CFAP44: variants seen among roughly 807,000 people sequenced by gnomAD.
CFAP44 encodes cilia- and flagella-associated protein 44.
Under a neutral mutation model 216.2 loss-of-function variants are expected in CFAP44, and 134 were observed. The observed-to-expected ratio is 0.62, with a 90% CI of 0.54 to 0.72. The LOEUF is 0.72. Among genes scored for constraint, CFAP44 ranks in the 30% least tolerant of loss-of-function variants. CFAP44 has a pLI of 0.00. For synonymous variants in CFAP44, 700 were observed against 727.6 expected (o/e 0.96, Z 0.61); for missense variants, 2,035 against 2,182.1 (o/e 0.93, Z 1.34).
intron 27 of CFAP44, among the ~76,000 whole-genome samples, chr3:113,326,874 C>T (rs929882728): frequency 8.5e-5 from 13 of 152,234 alleles, no homozygotes; most frequent in African/African-American, 3.1e-4. Flanking sequence ...TAGTGCTAAG[C>T]ATCCCCCCAA....
intron 1 of CFAP44, among the ~76,000 whole-genome samples, chr3:113,435,506 G>T (rs1359188416): frequency 2.6e-5 from 4 of 151,956 alleles, no homozygotes; most frequent in Non-Finnish European, 5.9e-5. Flanking sequence ...TGACACATGG[G>T]GATTATGGGA....
At chr3:113,316,868 CAA>C (rs71684264) in intron 28 of CFAP44, among the ~76,000 whole-genome samples, 54 of 116,302 alleles carry the variant, frequency 4.6e-4, no homozygotes, top group East Asian at 7.1e-4. Context: ...GACTCCATCT[CAA>C]AAAAAAAAAA....
intron 28 of CFAP44, among the ~76,000 whole-genome samples, chr3:113,322,688 A>T (rs1381787265): frequency 6.6e-6 from 1 of 152,220 alleles, no homozygotes; most frequent in Non-Finnish European, 1.5e-5. Flanking sequence ...TTCTCAAAGA[A>T]CTTAAAAATG....
At chr3:113,299,965 A>G (rs1286513410) in intron 32 of CFAP44, among the ~76,000 whole-genome samples, 1 of 152,226 alleles carries the variant, frequency 6.6e-6, no homozygotes, top group Non-Finnish European at 1.5e-5. Context: ...TGAGAGGTCA[A>G]GGCTGCAGTA....
intron 28 of CFAP44, among the ~76,000 whole-genome samples, chr3:113,313,340 C>G (rs1156419899): frequency 6.6e-6 from 1 of 152,078 alleles, no homozygotes; most frequent in Non-Finnish European, 1.5e-5. Flanking sequence ...TTACCCAATA[C>G]CTGTAGCCCC....
At chr3:113,318,105 A>T (rs1362229544) in intron 28 of CFAP44, among the ~76,000 whole-genome samples, 2 of 152,202 alleles carry the variant, frequency 1.3e-5, no homozygotes, top group Non-Finnish European at 2.9e-5. Flanking sequence ...CAGAATCTGG[A>T]TGTCAAGGAA....
intron 33 of CFAP44, among the ~76,000 whole-genome samples, chr3:113,295,525 G>C (rs1159090148): frequency 1.3e-5 from 2 of 152,200 alleles, no homozygotes; most frequent in African/African-American, 2.4e-5. Flanking sequence ...GTACATCTTG[G>C]ATTAGAAAAG....
intron 13 of CFAP44, among the ~76,000 whole-genome samples, chr3:113,399,193 CT>C (rs1482153481): frequency 6.6e-6 from 1 of 152,176 alleles, no homozygotes; most frequent in Non-Finnish European, 1.5e-5. Context: ...ATCAAGAAGC[CT>C]TTGGATTATT....
chr3:113,330,635 T>C lies in CFAP44; in HGVS notation c.3649A>G (p.Ile1217Val). 2.6e-6 allele frequency: 4 copies of C among 1,535,912 alleles called. No individual in the cohort carries two copies. The highest frequency in any genetic ancestry group is 2.6e-6 in the Non-Finnish European group (3 of 1,146,506). Residue 1217 changes from isoleucine (I) to valine (V), a missense_variant, in exon 26 of 35, where the codon ATT becomes GTT. Coordinates refer to ENST00000393845, the MANE Select transcript of CFAP44 (RefSeq NM_001164496.2). ...HGNKRHMNKC[I>V]LSLRDLKVAV... ...ACTTTAAGGTCTCTAAGAGAGAGAA[T>C]GCACTTGTTCATGTGCCTTTTATTT...
At position 113,306,203 on chromosome 3, in the gene CFAP44, T is replaced by C. The variant is rs1212599240; in HGVS notation, c.4756A>G (p.Lys1586Glu). ...LKKEYDTLSK[K>E]VKIVATNLNA... is the part of the protein sequence containing the mutation. ...AATAAGTAAACAGATCACCATACTT[T>C]TTTTGACAATGTATCATATTCCTTT... Residue 1586 changes from lysine to glutamate, a missense_variant and splice_region_variant, in exon 30 of 35, where the codon AAA becomes GAA. Physicochemically the swap from Lys to Glu is moderately conservative, Grantham distance 56. Around this residue, in one of 3 missense-constraint regions of CFAP44, gnomAD observed 1,883 missense variants for 2,023.7 expected, o/e 0.93. Transcript: ENST00000393845. 1 of 1,535,678 alleles carries C rather than the reference T, an allele frequency of 6.5e-7. No homozygotes were observed. The highest frequency in any genetic ancestry group is 2.0e-5 in the Admixed American group (1 of 50,638).
chr3:113,352,652 A>G (rs1386235715), intron 22 of CFAP44, among the ~76,000 whole-genome samples: 1 of 152,202 alleles, frequency 6.6e-6, no homozygotes, highest in African/African-American at 2.4e-5. Flanking sequence ...ATAGATAAAG[A>G]GGCTAAAATT....
chr3:113,408,864 A>C (rs914538025), intron 7 of CFAP44, among the ~76,000 whole-genome samples: 17 of 106,420 alleles, frequency 1.6e-4, no homozygotes, highest in African/African-American at 5.8e-4. Flanking sequence ...ACTCCATTTC[A>C]AAAAAAAAAA....
At chr3:113,294,956 T>C (rs1949866792) in intron 33 of CFAP44, 135 bp from the exon 34 acceptor site, 2 of 1,095,874 alleles carry the variant, frequency 1.8e-6, no homozygotes, top group Admixed American at 3.2e-5. Context: ...CAGAAGCCAA[T>C]ATGAAAATGC....
At chr3:113,366,457 C>A in intron 18 of CFAP44, 148 bp from the exon 19 acceptor site, 1 of 882,628 alleles carries the variant, frequency 1.1e-6, no homozygotes, top group Non-Finnish European at 1.7e-6. Context: ...AGCCCTAACC[C>A]CTAATACTTC....
intron 22 of CFAP44, among the ~76,000 whole-genome samples, chr3:113,350,300 A>C (rs1027208681): frequency 6.6e-6 from 1 of 151,940 alleles, no homozygotes; most frequent in African/African-American, 2.4e-5. Context: ...GAGAGGAAGA[A>C]AGAAAGAGAC....
At chr3:113,410,147 G>T (rs904696804) in intron 6 of CFAP44, among the ~76,000 whole-genome samples, 12 of 151,404 alleles carry the variant, frequency 7.9e-5, no homozygotes, top group African/African-American at 2.9e-4. Context: ...TAATAAACTT[G>T]TTTTCTTTTT....
chr3:113,343,649 G>C (rs533097168), intron 23 of CFAP44, among the ~76,000 whole-genome samples: 1 of 152,238 alleles, frequency 6.6e-6, no homozygotes, highest in African/African-American at 2.4e-5. Flanking sequence ...GCCTGGGTGA[G>C]GAAGTGTTAG....
intron 11 of CFAP44, 42 bp downstream of exon 11, chr3:113,401,198 A>G (rs199771759): frequency 6.6e-7 from 1 of 1,517,294 alleles, no homozygotes; most frequent in Non-Finnish European, 8.9e-7. Context: ...AAAAGTTTTT[A>G]CTATGAAAGT....
Position 113,396,736 on chromosome 3 carries a change from A to C in CFAP44, c.1570-9T>G. 1 of 1,612,630 alleles carries C rather than the reference A, an allele frequency of 6.2e-7. No homozygotes were observed. The highest frequency in any genetic ancestry group is 8.5e-7 in the Non-Finnish European group (1 of 1,179,188). ...GCTCCAGTGAAGTTTACCTTGGAGA[A>C]AATTAAAGATAAGGGACCTGAAACT... On this transcript the variant is annotated splice_polypyrimidine_tract_variant and intron_variant, in intron 13 of 34. Coordinates refer to ENST00000393845, the MANE Select transcript of CFAP44 (RefSeq NM_001164496.2).
Sources: gnomAD v4.1 joint callset for allele counts (sites outside exome capture counted in the v4.1 genomes callset) on GRCh38, gnomAD v4.1.1 for gene constraint, gnomAD v4.1.1 regional missense constraint, MANE v1.5 for transcripts, NCBI Gene and HGNC (gene_info 2026-07-23, HGNC 2026-07-21) for gene names.